The following SLC24A2 variants were observed in gnomAD, a reference collection of about 807,000 sequenced individuals.
SLC24A2 encodes the protein solute carrier family 24 member 2, also known as sodium/potassium/calcium exchanger 2.
SLC24A2 carries 36 observed loss-of-function variants against 62.0 expected under a neutral mutation model. The ratio of observed to expected loss-of-function variants is 0.58; its 90% CI spans 0.44 to 0.77. The LOEUF is 0.77. SLC24A2 is among the 30% of genes least tolerant of loss of function. The pLI is 0.00. For missense variants in SLC24A2, 846 were observed against 817.9 expected, an observed-to-expected ratio of 1.03 and a Z score of -0.42; for synonymous variants, 358 against 294.0, an observed-to-expected ratio of 1.22 and a Z score of -2.23.
At chr9:19,543,629 T>G (rs1026304973) in intron 8 of SLC24A2, among the ~76,000 whole-genome samples, 1 of 152,130 alleles carries the variant, frequency 6.6e-6, no homozygotes, top group African/African-American at 2.4e-5. Flanking sequence ...GTACGTTGTG[T>G]TGTTAGTTCT....
chr9:19,526,378 G>C (rs1010220202), intron 9 of SLC24A2, among the ~76,000 whole-genome samples: 47 of 152,166 alleles, frequency 3.1e-4, no homozygotes, highest in Non-Finnish European at 5.9e-4. Context: ...GAGTGGAATT[G>C]CTAGATCATA....
At chr9:20,084,213 T>A in the SLC24A2 span, among the ~76,000 whole-genome samples, 1 of 152,198 alleles carries the variant, frequency 6.6e-6, no homozygotes, top group Admixed American at 6.5e-5. Context: ...GAAAGCTGAA[T>A]AACTAACATT....
At chr9:19,809,839 C>A in the SLC24A2 span, among the ~76,000 whole-genome samples, 1 of 152,106 alleles carries the variant, frequency 6.6e-6, no homozygotes, top group Non-Finnish European at 1.5e-5. Context: ...GGTCTTTCCT[C>A]TTGGAAGTTC....
At chr9:20,209,928 G>A in the SLC24A2 span, among the ~76,000 whole-genome samples, 1 of 152,188 alleles carries the variant, frequency 6.6e-6, no homozygotes, top group African/African-American at 2.4e-5. Flanking sequence ...TCTTGACCTT[G>A]ATCATAAGGC....
the SLC24A2 span, among the ~76,000 whole-genome samples, chr9:20,076,089 C>A: frequency 1.3e-5 from 2 of 152,052 alleles, no homozygotes; most frequent in East Asian, 3.9e-4. Flanking sequence ...CAGATGCAAT[C>A]ATTCTTTTTT....
the SLC24A2 span, among the ~76,000 whole-genome samples, chr9:20,113,971 C>T: frequency 6.6e-6 from 1 of 152,148 alleles, no homozygotes; most frequent in Non-Finnish European, 1.5e-5. Context: ...GAGGTGAACC[C>T]TATGATTGCC....
intron 2 of SLC24A2, among the ~76,000 whole-genome samples, chr9:19,663,532 C>T (rs1353744584): frequency 3.3e-5 from 5 of 152,232 alleles, no homozygotes; most frequent in African/African-American, 1.2e-4. Flanking sequence ...ACAGAATAGG[C>T]TCCTGGGGAC....
chr9:20,143,086 G>GT, the SLC24A2 span, among the ~76,000 whole-genome samples: 1 of 152,208 alleles, frequency 6.6e-6, no homozygotes, highest in African/African-American at 2.4e-5. Flanking sequence ...GCATTCAAAT[G>GT]TAGGTCTGCT....
At chr9:20,219,161 G>T in the SLC24A2 span, among the ~76,000 whole-genome samples, 1 of 152,196 alleles carries the variant, frequency 6.6e-6, no homozygotes, top group African/African-American at 2.4e-5. Context: ...TTAGTGGATG[G>T]TTTCAGAGAG....
the SLC24A2 span, among the ~76,000 whole-genome samples, chr9:19,952,128 A>G: frequency 6.6e-6 from 1 of 152,034 alleles, no homozygotes; most frequent in Admixed American, 6.5e-5. Flanking sequence ...TAAATTATTT[A>G]TTGATGGTAT....
chr9:20,005,450 C>T, the SLC24A2 span, among the ~76,000 whole-genome samples: 44,224 of 151,884 alleles, frequency 0.29, 7,235 homozygotes, highest in East Asian at 0.52. Context: ...AAGGAATAGA[C>T]GCTGATATTG....
chr9:19,548,923 C>T (rs541281753), intron 8 of SLC24A2, among the ~76,000 whole-genome samples: 1 of 152,274 alleles, frequency 6.6e-6, no homozygotes, highest in South Asian at 2.1e-4. Context: ...ATTAGGTATA[C>T]AGTTTTGTTG....
the SLC24A2 span, among the ~76,000 whole-genome samples, chr9:20,258,669 G>T: frequency 6.6e-6 from 1 of 151,992 alleles, no homozygotes; most frequent in Non-Finnish European, 1.5e-5. Flanking sequence ...CCACGCTATT[G>T]GCTTTTCTGG....
chr9:19,594,133 C>T (rs1180067323), intron 5 of SLC24A2, among the ~76,000 whole-genome samples: 5 of 152,042 alleles, frequency 3.3e-5, no homozygotes, highest in East Asian at 1.9e-4. Context: ...ACACCTCACC[C>T]GCCCAACTTC....
chr9:20,011,538 G>A, the SLC24A2 span, among the ~76,000 whole-genome samples: 1 of 152,018 alleles, frequency 6.6e-6, no homozygotes, highest in African/African-American at 2.4e-5. Flanking sequence ...GAATGAAAAA[G>A]AACAAATAAG....
the SLC24A2 span, among the ~76,000 whole-genome samples, chr9:20,196,770 T>G: frequency 1.3e-5 from 2 of 152,116 alleles, no homozygotes; most frequent in Non-Finnish European, 2.9e-5. Flanking sequence ...TAAAGCAAGC[T>G]CACTGTGGAA....
the SLC24A2 span, among the ~76,000 whole-genome samples, chr9:19,916,542 T>C: frequency 6.6e-6 from 1 of 152,062 alleles, no homozygotes; most frequent in South Asian, 2.1e-4. Context: ...CTTTTACAAA[T>C]GTGTCTGTAT....
At chr9:20,128,078 T>C in the SLC24A2 span, among the ~76,000 whole-genome samples, 1 of 152,116 alleles carries the variant, frequency 6.6e-6, no homozygotes, top group African/African-American at 2.4e-5. Context: ...TAAAATGAAA[T>C]CGTGTAATTT....
the SLC24A2 span, among the ~76,000 whole-genome samples, chr9:20,218,672 G>A: frequency 6.6e-6 from 1 of 152,150 alleles, no homozygotes; most frequent in Non-Finnish European, 1.5e-5. Context: ...ATTTATTCAA[G>A]TTCATACAGG....
Sources: allele counts gnomAD v4.1 joint callset (sites outside exome capture counted in the v4.1 genomes callset), GRCh38; gene constraint gnomAD v4.1.1; transcripts MANE v1.5; gene names NCBI Gene and HGNC (gene_info 2026-07-23, HGNC 2026-07-21).